The following NOX4 variants were observed in gnomAD, a reference collection of about 807,000 sequenced individuals.
NOX4 encodes the protein NADPH oxidase 4.
NOX4 carries 69 observed loss-of-function variants against 87.6 expected under a neutral mutation model. The ratio of observed to expected loss-of-function variants is 0.79; its 90% CI spans 0.65 to 0.96. NOX4 has a LOEUF of 0.96. NOX4 is among the 40% of genes least tolerant of loss of function. NOX4 has a pLI of 0.00. For missense variants in NOX4, 680 were observed against 681.5 expected (o/e 1.00, Z 0.02); for synonymous variants, 275 against 238.2 (o/e 1.15, Z -1.42).
chr11:89,536,133 C>CTT, the NOX4 span, among the ~76,000 whole-genome samples: 1 of 134,748 alleles, frequency 7.4e-6, no homozygotes, highest in African/African-American at 3.0e-5. Flanking sequence ...TGATCTGGTC[C>CTT]TTTTCTTTTT....
chr11:89,372,992 G>C (rs1279987833), intron 12 of NOX4, among the ~76,000 whole-genome samples: 1 of 151,842 alleles, frequency 6.6e-6, no homozygotes, highest in Admixed American at 6.6e-5. Flanking sequence ...CTATTCCAAA[G>C]TTACTGTGAA....
chr11:89,508,126 T>G, the NOX4 span, among the ~76,000 whole-genome samples: 1 of 152,076 alleles, frequency 6.6e-6, no homozygotes, highest in African/African-American at 2.4e-5. Flanking sequence ...CTGACTTTCT[T>G]GTAACCCTCC....
chr11:89,543,688 A>G, the NOX4 span, among the ~76,000 whole-genome samples: 3 of 152,116 alleles, frequency 2.0e-5, no homozygotes, highest in Non-Finnish European at 4.4e-5. Context: ...TAAGAAGTAT[A>G]GTTCTAATAG....
rs867161588 is a variant in NOX4 at position 89,451,883 on chromosome 11, GAC to G, written c.164_165del (p.Cys55SerfsTer10). On this transcript the variant is annotated frameshift_variant, in exon 3 of 18. Transcript: ENST00000263317. LOFTEE classifies it high-confidence loss of function. ...AGAACAGATGCTGAGGCTCTGCTTA[GAC>G]ACAATCCTAGCTGAACAAATAAGGC... ...YLHQMLGLGLCLSRASASVLN... is the reference protein window; with the variant it reads ...YLHQMLGLGLXLSRASASVLN... The G allele has an allele frequency of 2.5e-6, 4 of 1,611,538 alleles. No individual in the cohort carries two copies. In the African/African-American group the frequency reaches 4.0e-5, roughly 16 times the overall value.
At chr11:89,581,571 A>G in the NOX4 span, among the ~76,000 whole-genome samples, 2 of 152,142 alleles carry the variant, frequency 1.3e-5, no homozygotes, top group Admixed American at 6.6e-5. Context: ...CTGACTTACT[A>G]CCTCTGATTG....
chr11:89,579,403 G>C, the NOX4 span, among the ~76,000 whole-genome samples: 1 of 151,980 alleles, frequency 6.6e-6, no homozygotes, highest in African/African-American at 2.4e-5. Flanking sequence ...TGCATGTGTG[G>C]GGACAGAGAG....
chr11:89,506,711 A>G, the NOX4 span, among the ~76,000 whole-genome samples: 17 of 152,048 alleles, frequency 1.1e-4, no homozygotes, highest in Non-Finnish European at 2.5e-4. Flanking sequence ...TCTAAAGTAC[A>G]TAAAAGACCT....
At chr11:89,363,768 T>C (rs1938714428) in intron 12 of NOX4, among the ~76,000 whole-genome samples, 2 of 152,106 alleles carry the variant, frequency 1.3e-5, no homozygotes. Flanking sequence ...CTGAAAAGTT[T>C]GTTTAAATCA....
At chr11:89,448,495 GT>G (rs995327405) in intron 4 of NOX4, among the ~76,000 whole-genome samples, 4 of 152,080 alleles carry the variant, frequency 2.6e-5, no homozygotes, top group Non-Finnish European at 5.9e-5. Context: ...TTTGACATTG[GT>G]TTTTCTACCA....
At chr11:89,443,924 A>G in intron 5 of NOX4, 1 of 509,990 alleles carries the variant, frequency 2.0e-6, no homozygotes, top group Non-Finnish European at 3.5e-6. Flanking sequence ...AAAAGTAGAC[A>G]TTCTACCAAC....
At chr11:89,441,947 C>CTATATATATATATA (rs5793404) in intron 5 of NOX4, among the ~76,000 whole-genome samples, 5 of 137,996 alleles carry the variant, frequency 3.6e-5, no homozygotes, top group South Asian at 2.3e-4. Flanking sequence ...TATGTGTTGA[C>CTATATATATATATA]TATATATATA....
At chr11:89,563,682 A>G in the NOX4 span, among the ~76,000 whole-genome samples, 1 of 152,162 alleles carries the variant, frequency 6.6e-6, no homozygotes, top group Non-Finnish European at 1.5e-5. Context: ...CCCTGCTTTC[A>G]CCTCCAAATT....
At chr11:89,540,053 T>C in the NOX4 span, among the ~76,000 whole-genome samples, 3 of 152,264 alleles carry the variant, frequency 2.0e-5, no homozygotes, top group East Asian at 3.9e-4. Flanking sequence ...GGCACCTCAA[T>C]TGTCATTCTT....
chr11:89,465,498 G>A (rs1035248313), intron 2 of NOX4, among the ~76,000 whole-genome samples: 4 of 152,158 alleles, frequency 2.6e-5, no homozygotes, highest in South Asian at 4.1e-4. Context: ...TATATGCCTA[G>A]TAATGTGATT....
At chr11:89,380,640 G>A (rs1307093737) in intron 11 of NOX4, among the ~76,000 whole-genome samples, 1 of 152,062 alleles carries the variant, frequency 6.6e-6, no homozygotes, top group Non-Finnish European at 1.5e-5. Flanking sequence ...ACCTTCTAAA[G>A]TTCATACTTA....
intron 2 of NOX4, among the ~76,000 whole-genome samples, chr11:89,463,427 T>C (rs1394453726): frequency 5.9e-5 from 9 of 152,018 alleles, no homozygotes; most frequent in Non-Finnish European, 1.2e-4. Context: ...TATACAAATA[T>C]AACAAGAGAT....
chr11:89,336,117 CTTTCT>C, intron 16 of NOX4, 172 bp from the exon 17 acceptor site: 2 of 418,136 alleles, frequency 4.8e-6, no homozygotes, highest in Non-Finnish European at 8.7e-6. Context: ...TTCCTTTCTT[CTTTCT>C]TTTAAAATTC....
At chr11:89,349,136 A>G (rs1590986567) in intron 13 of NOX4, among the ~76,000 whole-genome samples, 1 of 151,942 alleles carries the variant, frequency 6.6e-6, no homozygotes, top group South Asian at 2.1e-4. Context: ...AAAATACAAA[A>G]ATTAGCCCGG....
intron 11 of NOX4, among the ~76,000 whole-genome samples, chr11:89,398,971 T>C (rs2135172052): frequency 6.6e-6 from 1 of 152,138 alleles, no homozygotes; most frequent in South Asian, 2.1e-4. Flanking sequence ...GAAACTCATG[T>C]ATGCAGAAGC....
Sources: gnomAD v4.1 joint callset for allele counts (sites outside exome capture counted in the v4.1 genomes callset) on GRCh38, gnomAD v4.1.1 for gene constraint, MANE v1.5 for transcripts, NCBI Gene and HGNC (gene_info 2026-07-23, HGNC 2026-07-21) for gene names.